Variants in RARA observed in about 807,000 individuals in gnomAD.
RARA encodes the protein retinoic acid receptor alpha, also known as PML-DDX5-RARA fusion.
In RARA, 5 loss-of-function variants were observed where a neutral mutation model predicts 42.8. The ratio of observed to expected loss-of-function variants is 0.12; its 90% CI spans 0.06 to 0.25. The LOEUF is 0.25. Ranked by LOEUF, RARA falls within the 10% of genes least tolerant of loss-of-function variation. The pLI, the probability that RARA is intolerant of heterozygous loss-of-function variation, is 1.00. For synonymous variants in RARA, 256 were observed against 259.5 expected (o/e 0.99, Z 0.13); for missense variants, 402 against 628.7 (o/e 0.64, Z 3.86).
rs1412181108 is a variant in RARA at position 40,319,760 on chromosome 17, C to T, written c.-363+10474C>T. On this transcript the variant is annotated intron_variant, in intron 1 of 8. Coordinates refer to ENST00000254066, the MANE Select transcript of RARA (RefSeq NM_000964.4). ...TACAGGGCTCCATGAAGAGGCTGTG[C>T]CGGGGAAGCCCCGGGTTGGAGTGGG... Among the ~76,000 whole-genome samples the T allele has an allele frequency of 2.6e-5, 4 of 152,192 alleles. No homozygotes were observed. The South Asian group carries it at 6.2e-4, about 24-fold the overall frequency.
Position 40,349,771 on chromosome 17 carries a change from C to G in RARA, c.328-13C>G. 2 of 1,613,856 alleles carry G rather than the reference C, an allele frequency of 1.2e-6. No individual in the cohort carries two copies. Among genetic ancestry groups the G allele is most frequent in the Non-Finnish European group, 1.7e-6 (2 of 1,179,796 alleles). Reference sequence around the variant, plus strand: ...GGGTGTGGACAACCTGACTCCCTCCCCTCCATACCCAGGGCTTCTTCCGCC... The same window carrying G: ...GGGTGTGGACAACCTGACTCCCTCCGCTCCATACCCAGGGCTTCTTCCGCC... On this transcript the variant is annotated splice_polypyrimidine_tract_variant and intron_variant, in intron 3 of 8. Coordinates refer to ENST00000254066, the MANE Select transcript of RARA (RefSeq NM_000964.4).
chr17:40,331,490 T>C (rs1567751649), intron 2 of RARA, 94 bp downstream of exon 2: 8 of 1,393,250 alleles, frequency 5.7e-6, no homozygotes, highest in Non-Finnish European at 7.7e-6. Context: ...CTGCTGTGAG[T>C]GGAAGGCACG....
intron 1 of RARA, among the ~76,000 whole-genome samples, chr17:40,314,311 G>A (rs1224068297): frequency 6.6e-6 from 1 of 152,100 alleles, no homozygotes; most frequent in African/African-American, 2.4e-5. Flanking sequence ...AGCAGCTGCT[G>A]GCAGAAGCAA....
chr17:40,355,168 C>G lies in RARA; in HGVS notation c.1013-95C>G. On this transcript the variant is annotated intron_variant, in intron 7 of 8. Coordinates refer to ENST00000254066, the MANE Select transcript of RARA (RefSeq NM_000964.4). The surrounding 1 kb of genome is among the most constrained non-coding windows in gnomAD (Gnocchi z 4.1). Reference sequence around the variant, plus strand: ...TGTGGGGAGGCGCCTGCGAGCTGCCCTCCTCCATGGCCTGGGCAGGCACGC... The same window carrying G: ...TGTGGGGAGGCGCCTGCGAGCTGCCGTCCTCCATGGCCTGGGCAGGCACGC... The G allele has an allele frequency of 6.9e-7, 1 of 1,441,144 alleles. No individual in the cohort carries two copies. 89.3% of individuals were successfully genotyped at this position (1,441,144 alleles called of 1,614,324 possible). A position where few individuals can be genotyped will look rare whatever the true frequency, so the allele number is the denominator to read the frequency against.
rs185868622 is a variant in RARA, at chr17:40,320,067, G to A, written c.-363+10781G>A. On this transcript the variant is annotated intron_variant, in intron 1 of 8. Transcript: ENST00000254066. This position sits in a 1 kb window ranked among gnomAD's most constrained non-coding sequence, Gnocchi z 4.1. ...ACTGGAGTAGCCTCTTGGGAGCTGA[G>A]GATCTTGGATTTGCAAGGATTTTGA... Among the ~76,000 whole-genome samples, 19 of 152,048 alleles carry A rather than the reference G, an allele frequency of 1.2e-4. No homozygotes were observed. The highest frequency in any genetic ancestry group is 4.1e-4 in the South Asian group (2 of 4,830).
At chr17:40,335,012 G>GT (rs1436598425) in intron 2 of RARA, among the ~76,000 whole-genome samples, 2 of 152,316 alleles carry the variant, frequency 1.3e-5, no homozygotes, top group South Asian at 2.1e-4. Flanking sequence ...GGTGTTTACT[G>GT]TGGAGGTCTC....
chr17:40,354,192 C>T lies in RARA; in HGVS notation c.808-110C>T. On this transcript the variant is annotated intron_variant, in intron 6 of 8. Coordinates refer to ENST00000254066, the MANE Select transcript of RARA (RefSeq NM_000964.4). The surrounding 1 kb of genome is among the most constrained non-coding windows in gnomAD (Gnocchi z 4.5). ...GAAAATTCTATCAGACAGCATTGCT[C>T]CGGCCACCTGCCAGGTGGTCCTCCG... The T allele has an allele frequency of 9.8e-7, 1 of 1,024,750 alleles. No homozygotes were observed. Among genetic ancestry groups the T allele is most frequent in the Non-Finnish European group, 1.5e-6 (1 of 685,388 alleles). 63.5% of individuals were successfully genotyped at this position (1,024,750 alleles called of 1,614,324 possible). A position where few individuals can be genotyped will look rare whatever the true frequency, so the allele number is the denominator to read the frequency against.
intron 1 of RARA, among the ~76,000 whole-genome samples, chr17:40,309,784 C>T (rs1040404086): frequency 3.3e-5 from 5 of 152,218 alleles, no homozygotes; most frequent in Admixed American, 2.0e-4. Flanking sequence ...CTTCCAGGTT[C>T]ATCTCACACT....
At chr17:40,312,309 C>A (rs1389847673) in intron 1 of RARA, among the ~76,000 whole-genome samples, 1 of 152,182 alleles carries the variant, frequency 6.6e-6, no homozygotes. Flanking sequence ...TATGGGCAGG[C>A]CTCCCCCTAG....
At chr17:40,327,700 A>G (rs1170640350) in intron 1 of RARA, among the ~76,000 whole-genome samples, 1 of 152,154 alleles carries the variant, frequency 6.6e-6, no homozygotes, top group Non-Finnish European at 1.5e-5. Flanking sequence ...CTGGGGCTGC[A>G]GGCGTGCTCT....
chr17:40,348,597 G>A lies in RARA; in HGVS notation c.327+133G>A, dbSNP rs1032073821. 4 of 1,217,328 alleles carry A rather than the reference G, an allele frequency of 3.3e-6. No homozygotes were observed. The African/African-American group carries it at 4.7e-5, about 14-fold the overall frequency. 75.4% of individuals were successfully genotyped at this position (1,217,328 alleles called of 1,614,324 possible). ...TCTTCTTTCTCTGTGGAAGTTGGCA[G>A]CAAGCAGGGACACCTACCACAGTTT... On this transcript the variant is annotated intron_variant, in intron 3 of 8. Transcript: ENST00000254066.
chr17:40,344,016 G>A (rs532128941), intron 2 of RARA, among the ~76,000 whole-genome samples: 1 of 152,096 alleles, frequency 6.6e-6, no homozygotes, highest in East Asian at 1.9e-4. Flanking sequence ...CTTTGCTGGA[G>A]GGGAAGCTCT....
chr17:40,332,146 G>A (rs1176319454), intron 2 of RARA, among the ~76,000 whole-genome samples: 1 of 152,324 alleles, frequency 6.6e-6, no homozygotes, highest in East Asian at 1.9e-4. Flanking sequence ...AGTGGGAGGT[G>A]GCGGCAGCTC....
chr17:40,357,105 C>G lies in RARA; in HGVS notation c.*879C>G, dbSNP rs2034658559. ...AAAGGACAGGCTCCTGGCCTTGGCA[C>G]TTGCCTGCACCCACCATGAGGCATG... On this transcript the variant is annotated 3_prime_UTR_variant, in exon 9 of 9. Coordinates refer to ENST00000254066, the MANE Select transcript of RARA (RefSeq NM_000964.4). The G allele has an allele frequency of 6.7e-6, 2 of 300,250 alleles. No individual in the cohort carries two copies. The highest frequency in any genetic ancestry group is 6.4e-6 in the Non-Finnish European group (1 of 157,392). 18.6% of individuals were successfully genotyped at this position (300,250 alleles called of 1,614,324 possible). A position where few individuals can be genotyped will look rare whatever the true frequency, so the allele number is the denominator to read the frequency against.
At chr17:40,318,663 G>A (rs923422658) in intron 1 of RARA, among the ~76,000 whole-genome samples, 3 of 152,262 alleles carry the variant, frequency 2.0e-5, no homozygotes, top group Non-Finnish European at 2.9e-5. Flanking sequence ...TTCGCGCGCA[G>A]CCTTGAGGCG....
At chr17:40,340,324 T>G (rs989748923) in intron 2 of RARA, among the ~76,000 whole-genome samples, 1 of 152,214 alleles carries the variant, frequency 6.6e-6, no homozygotes, top group East Asian at 1.9e-4. Flanking sequence ...AATCTGATCT[T>G]TCCTTTGCTT....
rs748628635 is a variant in RARA at position 40,355,874 on chromosome 17, G to A, written c.1172-135G>A. ...CCTGGGGGCTTAAGAGAGCTGGCTC[G>A]TGTCAAAGAACTGAATCCCAAGAAA... On this transcript the variant is annotated intron_variant, in intron 8 of 8. Transcript: ENST00000254066. The surrounding 1 kb of genome is among the most constrained non-coding windows in gnomAD (Gnocchi z 4.1). 9.5e-6 allele frequency: 8 copies of A among 838,882 alleles called. No individual in the cohort carries two copies. The highest frequency in any genetic ancestry group is 1.5e-5 in the Non-Finnish European group (8 of 542,568). The allele number at this position is 838,882 out of a possible 1,614,324, so 52.0% of individuals were successfully genotyped here.
At chr17:40,340,967 T>G (rs556370182) in intron 2 of RARA, 2 of 400,310 alleles carry the variant, frequency 5.0e-6, no homozygotes, top group Admixed American at 8.8e-5. Context: ...CTCTTGGAGT[T>G]GCTGTGAGGA....
At chr17:40,332,329 G>A (rs1438399367) in intron 2 of RARA, among the ~76,000 whole-genome samples, 5 of 152,146 alleles carry the variant, frequency 3.3e-5, no homozygotes, top group Non-Finnish European at 5.9e-5. Context: ...CTGGCTGGCC[G>A]GCTGGTCAGC....
Sources: gnomAD v4.1 joint callset for allele counts (sites outside exome capture counted in the v4.1 genomes callset) on GRCh38, gnomAD v4.1.1 for gene constraint, Gnocchi (gnomAD v3.1) non-coding constraint, MANE v1.5 for transcripts, NCBI Gene and HGNC (gene_info 2026-07-23, HGNC 2026-07-21) for gene names.